Variants in TENM2 observed in about 807,000 individuals in gnomAD.
TENM2 encodes the protein teneurin transmembrane protein 2, also known as teneurin-2.
Under a neutral mutation model 245.2 loss-of-function variants are expected in TENM2, and 52 were observed. The observed-to-expected ratio is 0.21, with a 90% CI of 0.17 to 0.27. TENM2 has a LOEUF of 0.27. TENM2 is among the 10% of genes least tolerant of loss of function. The pLI, the probability that TENM2 is intolerant of heterozygous loss-of-function variation, is 1.00. For missense variants in TENM2, 3,046 were observed against 3,666.8 expected, an observed-to-expected ratio of 0.83 and a Z score of 4.37; for synonymous variants, 1,363 against 1,438.9, an observed-to-expected ratio of 0.95 and a Z score of 1.19.
chr5:167,408,421 T>G (rs1762742209), intron 2 of TENM2, among the ~76,000 whole-genome samples: 4 of 152,104 alleles, frequency 2.6e-5, no homozygotes, highest in Non-Finnish European at 5.9e-5. Flanking sequence ...CTTGTTGTAT[T>G]GCTCAAAGAA....
intron 25 of TENM2, among the ~76,000 whole-genome samples, chr5:168,235,084 G>A (rs1410945997): frequency 6.6e-6 from 1 of 152,200 alleles, no homozygotes; most frequent in Non-Finnish European, 1.5e-5. Flanking sequence ...ACTCAGTTCT[G>A]CGTGGAGCCC....
At chr5:167,287,695 G>T (rs867333246) in intron 1 of TENM2, 2 of 152,178 alleles carry the variant, frequency 1.3e-5, no homozygotes, top group African/African-American at 4.8e-5. Flanking sequence ...GTTTACGGAA[G>T]CTCGGTCAAA....
chr5:167,726,465 T>C (rs1332966604), intron 2 of TENM2, among the ~76,000 whole-genome samples: 1 of 152,118 alleles, frequency 6.6e-6, no homozygotes, highest in Non-Finnish European at 1.5e-5. Context: ...TATTTACTTA[T>C]TTATTATTTT....
At chr5:168,263,942 AC>A (rs1768429131), downstream of TENM2, 1 of 152,546 alleles carries the variant, frequency 6.6e-6, no homozygotes, top group Non-Finnish European at 1.5e-5. Context: ...AAAAATAAAA[AC>A]AAAAAAAATT....
At chr5:166,990,808 T>G in the TENM2 span, among the ~76,000 whole-genome samples, 1 of 152,212 alleles carries the variant, frequency 6.6e-6, no homozygotes, top group Non-Finnish European at 1.5e-5. Context: ...CTGTGATCAT[T>G]TTTTGATAGC....
chr5:168,227,830 T>C, intron 24 of TENM2, 65 bp from the exon 27 acceptor site: 1 of 1,114,978 alleles, frequency 9.0e-7, no homozygotes, highest in Non-Finnish European at 1.3e-6. Flanking sequence ...GGGGTTCTAT[T>C]CTCTTCTGAC....
At chr5:167,704,115 T>A (rs1758345578) in intron 2 of TENM2, among the ~76,000 whole-genome samples, 1 of 152,204 alleles carries the variant, frequency 6.6e-6, no homozygotes, top group Non-Finnish European at 1.5e-5. Flanking sequence ...TACAAGCCTA[T>A]GTTGGATTAC....
rs542227392 is a variant in TENM2 at position 167,494,208 on chromosome 5, G to A, written c.502+118735G>A. On this transcript the variant is annotated intron_variant, in intron 2 of 28. Coordinates refer to ENST00000518659, the Ensembl canonical transcript of TENM2. ...TTCAGATGGAGAACACAAGATGACC[G>A]CTATCACCATCAAATGGAAGACAGC... Among the ~76,000 whole-genome samples the A allele has an allele frequency of 4.6e-5, 7 of 152,126 alleles. 1 individual carries two copies. The highest frequency in any genetic ancestry group is 3.9e-4 in the East Asian group (2 of 5,174).
At chr5:167,418,834 G>A (rs936993515) in intron 2 of TENM2, among the ~76,000 whole-genome samples, 2 of 152,122 alleles carry the variant, frequency 1.3e-5, no homozygotes, top group Non-Finnish European at 2.9e-5. Context: ...AATTAGTGAT[G>A]TGGGTTGAGG....
At chr5:167,104,976 T>G in the TENM2 span, among the ~76,000 whole-genome samples, 2 of 152,248 alleles carry the variant, frequency 1.3e-5, no homozygotes, top group Admixed American at 1.3e-4. Context: ...TTTCTGCAAA[T>G]GCATTTAGTC....
At chr5:167,000,256 T>C in the TENM2 span, among the ~76,000 whole-genome samples, 1 of 152,068 alleles carries the variant, frequency 6.6e-6, no homozygotes, top group Admixed American at 6.6e-5. Flanking sequence ...AAACAGAAAT[T>C]AGAAAGATCA....
chr5:167,020,051 A>G, the TENM2 span, among the ~76,000 whole-genome samples: 1 of 152,180 alleles, frequency 6.6e-6, no homozygotes, highest in African/African-American at 2.4e-5. Flanking sequence ...ACATGGATCC[A>G]GCCCTGTGCC....
the TENM2 span, among the ~76,000 whole-genome samples, chr5:167,279,543 TTC>T: frequency 6.7e-6 from 1 of 148,166 alleles, no homozygotes; most frequent in African/African-American, 2.5e-5. Flanking sequence ...CCTTCCTTCC[TTC>T]CTTCCTTCCT....
intron 2 of TENM2, among the ~76,000 whole-genome samples, chr5:167,464,016 C>A (rs1001013522): frequency 2.6e-5 from 4 of 152,080 alleles, no homozygotes; most frequent in African/African-American, 9.7e-5. Flanking sequence ...GGATGAAGAT[C>A]GCTGTGTATA....
chr5:167,914,721 A>G (rs1776800299), intron 3 of TENM2, among the ~76,000 whole-genome samples: 1 of 152,100 alleles, frequency 6.6e-6, no homozygotes, highest in Non-Finnish European at 1.5e-5. Flanking sequence ...CCTCTCAGGG[A>G]GGATCTTTCC....
chr5:167,231,326 A>T, the TENM2 span, among the ~76,000 whole-genome samples: 3 of 152,206 alleles, frequency 2.0e-5, no homozygotes, highest in Non-Finnish European at 4.4e-5. Flanking sequence ...AAGGTTTGGA[A>T]CTTCGTAGAG....
At chr5:167,079,303 T>C in the TENM2 span, among the ~76,000 whole-genome samples, 3 of 148,332 alleles carry the variant, frequency 2.0e-5, no homozygotes, top group African/African-American at 7.4e-5. Flanking sequence ...TATATATATA[T>C]AATATAATAT....
chr5:168,207,221 C>T (rs897028168), intron 19 of TENM2, among the ~76,000 whole-genome samples: 2 of 152,150 alleles, frequency 1.3e-5, no homozygotes, highest in African/African-American at 4.8e-5. Flanking sequence ...CTTTTAAGTA[C>T]TAGAGGAGGT....
intron 2 of TENM2, among the ~76,000 whole-genome samples, chr5:167,378,152 A>G (rs1020224332): frequency 7.2e-5 from 11 of 152,138 alleles, no homozygotes; most frequent in Admixed American, 6.5e-4. Context: ...TTTGCTAAGC[A>G]TAGTTAATGA....
Sources: gnomAD v4.1 joint callset for allele counts (sites outside exome capture counted in the v4.1 genomes callset) on GRCh38, gnomAD v4.1.1 for gene constraint, MANE v1.5 for transcripts, NCBI Gene and HGNC (gene_info 2026-07-23, HGNC 2026-07-21) for gene names.